FAM227B: variants seen among roughly 807,000 people sequenced by gnomAD.
FAM227B encodes the protein family with sequence similarity 227 member B.
A neutral mutation model predicts 73.8 loss-of-function variants in FAM227B; 88 were observed. The observed-to-expected ratio is 1.19, with a 90% CI of 1.00 to 1.42. The LOEUF (loss-of-function observed/expected upper bound fraction) is 1.42. FAM227B is among the 40% of genes most tolerant of loss of function. FAM227B has a pLI of 0.00. For synonymous variants in FAM227B, 210 were observed against 190.5 expected, an observed-to-expected ratio of 1.10 and a Z score of -0.84; for missense variants, 632 against 590.9, an observed-to-expected ratio of 1.07 and a Z score of -0.72.
intron 11 of FAM227B, among the ~76,000 whole-genome samples, chr15:49,505,341 T>G (rs953232367): frequency 6.6e-6 from 1 of 152,154 alleles, no homozygotes; most frequent in African/African-American, 2.4e-5. Flanking sequence ...TTTACAGATT[T>G]ATACATACGT....
At chr15:49,397,819 G>A (rs2047806038) in intron 11 of FAM227B, among the ~76,000 whole-genome samples, 1 of 151,960 alleles carries the variant, frequency 6.6e-6, no homozygotes, top group Non-Finnish European at 1.5e-5. Flanking sequence ...TCACCACCAG[G>A]CCTGCCCTAA....
intron 11 of FAM227B, among the ~76,000 whole-genome samples, chr15:49,403,091 G>C (rs1304147070): frequency 6.6e-6 from 1 of 152,164 alleles, no homozygotes; most frequent in Non-Finnish European, 1.5e-5. Flanking sequence ...TTACTGATTT[G>C]TGTATGTTGA....
At chr15:49,372,964 A>G (rs1371213326) in intron 11 of FAM227B, among the ~76,000 whole-genome samples, 1 of 152,142 alleles carries the variant, frequency 6.6e-6, no homozygotes, top group Non-Finnish European at 1.5e-5. Flanking sequence ...TTACATTTAA[A>G]CATTTTGAGT....
At chr15:49,591,146 G>C (rs62022667) in intron 3 of FAM227B, among the ~76,000 whole-genome samples, 37,113 of 145,304 alleles carry the variant, frequency 0.26, 5,547 homozygotes, top group Non-Finnish European at 0.35. Flanking sequence ...CTGGGTTCAC[G>C]CCATTCTCCT....
chr15:49,395,255 G>T (rs1160184005), intron 11 of FAM227B, among the ~76,000 whole-genome samples: 1 of 151,090 alleles, frequency 6.6e-6, no homozygotes, highest in Non-Finnish European at 1.5e-5. Flanking sequence ...GGGTTTTAAG[G>T]TTTTTTTTGT....
chr15:49,602,178 TTGTA>T (rs1567681886), intron 3 of FAM227B, among the ~76,000 whole-genome samples: 2 of 152,194 alleles, frequency 1.3e-5, no homozygotes, highest in African/African-American at 4.8e-5. Flanking sequence ...GACTGCTAGA[TTGTA>T]TGGTAGCTCT....
chr15:49,613,828 C>T (rs2078112898), intron 2 of FAM227B, among the ~76,000 whole-genome samples: 1 of 151,826 alleles, frequency 6.6e-6, no homozygotes, highest in Non-Finnish European at 1.5e-5. Flanking sequence ...AGCAAAGATG[C>T]ATAGAGATGT....
At chr15:49,400,061 T>C (rs2048015472) in intron 11 of FAM227B, among the ~76,000 whole-genome samples, 2 of 30,102 alleles carry the variant, frequency 6.6e-5, no homozygotes, top group East Asian at 8.6e-4. Context: ...AGTCAAATTG[T>C]CCCTGTTTGC....
At chr15:49,451,009 T>C (rs911861376) in intron 11 of FAM227B, among the ~76,000 whole-genome samples, 7 of 152,086 alleles carry the variant, frequency 4.6e-5, no homozygotes, top group Non-Finnish European at 8.8e-5. Flanking sequence ...TGTGTGTGAG[T>C]GGGGAAATAT....
At chr15:49,529,382 T>C (rs1597922589) in intron 10 of FAM227B, among the ~76,000 whole-genome samples, 1 of 151,662 alleles carries the variant, frequency 6.6e-6, no homozygotes, top group African/African-American at 2.4e-5. Flanking sequence ...TGTTTACTAT[T>C]TGGGTGATAG....
At chr15:49,507,560 G>A (rs2058672765) in intron 11 of FAM227B, among the ~76,000 whole-genome samples, 1 of 152,062 alleles carries the variant, frequency 6.6e-6, no homozygotes, top group Non-Finnish European at 1.5e-5. Flanking sequence ...AAACAGGAGA[G>A]AAATAAACTC....
intron 11 of FAM227B, among the ~76,000 whole-genome samples, chr15:49,392,872 T>C (rs775605800): frequency 8.5e-5 from 13 of 152,166 alleles, no homozygotes; most frequent in Non-Finnish European, 1.6e-4. Flanking sequence ...TGGAGAAAGG[T>C]AACATGATAG....
intron 5 of FAM227B, 28 bp downstream of exon 5, chr15:49,587,987 CA>C: frequency 7.1e-7 from 1 of 1,400,284 alleles, no homozygotes; most frequent in Non-Finnish European, 9.4e-7. Flanking sequence ...ATCCAACTTT[CA>C]AGGATGATAA....
intron 11 of FAM227B, among the ~76,000 whole-genome samples, chr15:49,441,783 A>G (rs188207777): frequency 1.6e-4 from 25 of 151,622 alleles, no homozygotes; most frequent in African/African-American, 5.5e-4. Flanking sequence ...AGTATTGTGT[A>G]AAGTTTTTAA....
chr15:49,525,183 CAT>C lies in FAM227B; in HGVS notation c.874+16495_874+16496del, dbSNP rs1438404653. ...ACCCAAATCTCATCTTGAATTCCCA[CAT>C]GTTATGGGAGGGACCCAGTGGGAGG... On this transcript the variant is annotated intron_variant, in intron 10 of 15. Coordinates refer to ENST00000299338, the MANE Select transcript of FAM227B (RefSeq NM_152647.3). Among the ~76,000 whole-genome samples, 8 of 152,076 alleles carry C rather than the reference CAT, an allele frequency of 5.3e-5. No individual in the cohort carries two copies. The East Asian group carries it at 1.4e-3, about 26-fold the overall frequency.
Position 49,615,127 on chromosome 15 carries a change from G to A in FAM227B, c.45C>T (p.Gly15=), listed in dbSNP as rs763902811. Residue 15 remains glycine, a synonymous_variant, in exon 2 of 16, where the codon GGC becomes GGT. Coordinates refer to ENST00000299338, the MANE Select transcript of FAM227B (RefSeq NM_152647.3). The part of the protein sequence containing the change: ...RTCQRRSSRA[G]PGKMQEPPKS... ...GCTGTGGAAGCTTCCTTACCCCGGG[G>A]CCAGCTCTGCTGCTCCTCCTTTGAC... 2 of 1,613,806 alleles carry A rather than the reference G, an allele frequency of 1.2e-6. No homozygotes were observed. Among genetic ancestry groups the A allele is most frequent in the East Asian group, 4.5e-5 (2 of 44,880 alleles).
intron 9 of FAM227B, among the ~76,000 whole-genome samples, chr15:49,554,862 C>T (rs560979245): frequency 6.6e-6 from 1 of 152,178 alleles, no homozygotes; most frequent in Admixed American, 6.5e-5. Context: ...TCTATTCTGC[C>T]ATTGTGCTCT....
intron 11 of FAM227B, among the ~76,000 whole-genome samples, chr15:49,469,789 T>G (rs1051611557): frequency 1.3e-5 from 2 of 152,124 alleles, no homozygotes; most frequent in Non-Finnish European, 2.9e-5. Flanking sequence ...ATAGCAGTAA[T>G]GAGATTGAGA....
chr15:49,519,511 C>G (rs2059629447), intron 10 of FAM227B, among the ~76,000 whole-genome samples: 1 of 152,188 alleles, frequency 6.6e-6, no homozygotes, highest in Non-Finnish European at 1.5e-5. Context: ...GCAGAAGGTA[C>G]CAAACCCCAA....
Sources: allele counts gnomAD v4.1 joint callset (sites outside exome capture counted in the v4.1 genomes callset), GRCh38; gene constraint gnomAD v4.1.1; transcripts MANE v1.5; gene names NCBI Gene and HGNC (gene_info 2026-07-23, HGNC 2026-07-21).